The following ARAP1 variants were observed in gnomAD, a reference collection of about 807,000 sequenced individuals.
ARAP1 encodes ArfGAP with RhoGAP domain, ankyrin repeat and PH domain 1, also known as arf-GAP with Rho-GAP domain, ANK repeat and PH domain-containing protein 1.
Under a neutral mutation model 172.2 loss-of-function variants are expected in ARAP1, and 76 were observed. The ratio of observed to expected loss-of-function variants is 0.44; its 90% CI spans 0.37 to 0.53. The LOEUF is 0.53. Ranked by LOEUF, ARAP1 falls within the 20% of genes least tolerant of loss-of-function variation. The pLI is 0.00. For synonymous variants in ARAP1, 804 were observed against 803.3 expected (o/e 1.00, Z -0.01); for missense variants, 1,686 against 1,977.5 (o/e 0.85, Z 2.80).
intron 15 of ARAP1, among the ~76,000 whole-genome samples, chr11:72,702,520 C>T (rs1856535112): frequency 6.6e-6 from 1 of 152,174 alleles, no homozygotes; most frequent in Admixed American, 6.5e-5. Flanking sequence ...GGTGACCCAC[C>T]CATGGAGAAA....
chr11:72,703,980 G>C (rs1359902621), intron 14 of ARAP1, 172 bp downstream of exon 14: 1 of 866,954 alleles, frequency 1.2e-6, no homozygotes, highest in African/African-American at 1.7e-5. Context: ...TGCATGGCCA[G>C]AACTTTTCAC....
At chr11:72,711,750 C>CAG (rs1369950822) in intron 7 of ARAP1, among the ~76,000 whole-genome samples, 1 of 136,966 alleles carries the variant, frequency 7.3e-6, no homozygotes, top group Non-Finnish European at 1.5e-5. Context: ...GGCTGGAAGG[C>CAG]AGTAGTACAG....
chr11:72,713,871 C>A (rs929196199), intron 4 of ARAP1, among the ~76,000 whole-genome samples: 6 of 150,524 alleles, frequency 4.0e-5, no homozygotes, highest in African/African-American at 1.2e-4. Context: ...AAAAGAAAAG[C>A]AAACCACCCA....
At chr11:72,716,188 AAAAAAAAG>A (rs1343642991) in intron 3 of ARAP1, among the ~76,000 whole-genome samples, 1 of 145,810 alleles carries the variant, frequency 6.9e-6, no homozygotes, top group Non-Finnish European at 1.5e-5. Context: ...AAAAAAAAAA[AAAAAAAAG>A]ATCTTCATAC....
chr11:72,713,193 T>C lies in ARAP1; in HGVS notation c.730A>G (p.Arg244Gly). The change falls in exon 5 of 35, where the codon AGA (arginine) becomes GGA (glycine). Residue 244 changes from arginine to glycine, a missense_variant. Transcript: ENST00000393609. ...GGCCCCACCTTCTTGGTCATCACTC[T>C]GGCTGGGGCCCCCGGCCCCTCCTCT... ...VPEEGPGAPA[R>G]VMTKKEEPPP... is the part of the protein sequence containing the mutation. 6.2e-7 allele frequency: 1 copy of C among 1,613,782 alleles called. No individual in the cohort carries two copies. Among genetic ancestry groups the C allele is most frequent in the Non-Finnish European group, 8.5e-7 (1 of 1,179,848 alleles).
In ARAP1 at chr11:72,704,205, C is replaced by T; in HGVS notation, c.1939G>A (p.Gly647Ser). ...AGCGGGTGGTAGCGGCGGTACTTGC[C>T]CTCACGGTACTTGGCCTCCAGGTGG... Reference protein sequence around the residue: ...RCHLEAKYREGKYRRYHPLFG... With the variant: ...RCHLEAKYRESKYRRYHPLFG... The change falls in exon 14 of 35, where the codon GGC becomes AGC. Residue 647 changes from glycine to serine, a missense_variant. Physicochemically the swap from Gly to Ser is moderately conservative, Grantham distance 56. Transcript: ENST00000393609. The T allele has an allele frequency of 6.2e-7, 1 of 1,614,008 alleles. No homozygotes were observed. Among genetic ancestry groups the T allele is most frequent in the Non-Finnish European group, 8.5e-7 (1 of 1,179,992 alleles).
At chr11:72,704,379 G>A (rs1445022053) in intron 13 of ARAP1, 45 bp from the exon 14 acceptor site, 1 of 1,493,726 alleles carries the variant, frequency 6.7e-7, no homozygotes, top group South Asian at 1.4e-5. Flanking sequence ...TGACAGCCAG[G>A]GGCCGTGCCG....
In ARAP1 at chr11:72,714,270, G is replaced by C. The variant is rs1857175785; in HGVS notation, c.561C>G (p.Pro187=). 6.5e-7 allele frequency: 1 copy of C among 1,543,244 alleles called. No homozygotes were observed. Among genetic ancestry groups the C allele is most frequent in the Non-Finnish European group, 8.7e-7 (1 of 1,144,678 alleles). The part of the protein sequence containing the change: ...ESLLPSLSSP[P]QPQSEEPLST... ...ACAGGGGCTCCTCAGACTGTGGCTG[G>C]GGAGGGGATGATAATGATGGCAGCA... is the stretch of plus-strand genomic sequence containing the variant. The change falls in exon 4 of 35, where the codon CCC becomes CCG. Residue 187 remains proline (P), a synonymous_variant. Coordinates refer to ENST00000393609, the MANE Select transcript of ARAP1 (RefSeq NM_001040118.3).
At chr11:72,712,869 G>C (rs1277191738) in intron 5 of ARAP1, 13 of 599,646 alleles carry the variant, frequency 2.2e-5, no homozygotes, top group Non-Finnish European at 3.6e-5. Flanking sequence ...AACACAAGAA[G>C]TGAAACAGAG....
chr11:72,685,898 T>C (rs1158738207), intron 34 of ARAP1, 144 bp downstream of exon 34: 1 of 1,492,406 alleles, frequency 6.7e-7, no homozygotes, highest in East Asian at 2.3e-5. Flanking sequence ...CAAAGAGGCC[T>C]ATGAGGGCCC....
intron 16 of ARAP1, among the ~76,000 whole-genome samples, chr11:72,700,803 A>AGACCAACCT (rs2135515227): frequency 6.6e-6 from 1 of 152,360 alleles, no homozygotes; most frequent in Admixed American, 6.5e-5. Flanking sequence ...CGGGAGTTTG[A>AGACCAACCT]GACCAACCTG....
At chr11:72,694,556 A>G (rs540708852) in intron 27 of ARAP1, among the ~76,000 whole-genome samples, 1 of 152,190 alleles carries the variant, frequency 6.6e-6, no homozygotes, top group East Asian at 1.9e-4. Context: ...CTGTAGTTGA[A>G]CATTTATTGG....
At position 72,712,292 on chromosome 11, in the gene ARAP1, A is replaced by G; in HGVS notation, c.926T>C (p.Ile309Thr). ...SSLSLSLPST[I>T]AAPHPMDGPP... ...CCCGTCCATGGGGTGTGGCGCAGCT[A>G]TTGTGCTGGGCAAGGACAAGCTCAG... Residue 309 changes from isoleucine to threonine, a missense_variant, in exon 7 of 35, where the codon ATA becomes ACA. Physicochemically the swap from Ile to Thr is moderately conservative, Grantham distance 89. Transcript: ENST00000393609. 6.3e-7 allele frequency: 1 copy of G among 1,588,782 alleles called. No homozygotes were observed. The highest frequency in any genetic ancestry group is 8.6e-7 in the Non-Finnish European group (1 of 1,165,840).
At chr11:72,709,045 C>CAAA (rs34249967) in intron 11 of ARAP1, among the ~76,000 whole-genome samples, 2 of 50,300 alleles carry the variant, frequency 4.0e-5, no homozygotes, top group African/African-American at 6.6e-5. Flanking sequence ...TCTCAAAAAG[C>CAAA]AAAAAAAAAA....
chr11:72,707,097 T>C, intron 12 of ARAP1, 78 bp downstream of exon 12: 1 of 1,412,314 alleles, frequency 7.1e-7, no homozygotes, highest in Non-Finnish European at 9.5e-7. Flanking sequence ...CAGGCCCTCC[T>C]CCAGATAGGA....
intron 15 of ARAP1, 56 bp downstream of exon 15, chr11:72,702,849 C>A: frequency 6.5e-7 from 1 of 1,532,066 alleles, no homozygotes; most frequent in South Asian, 1.2e-5. Context: ...GCAGGTAAAT[C>A]AAACCCCACC....
chr11:72,709,790 G>C (rs1856927277), intron 11 of ARAP1, 80 bp downstream of exon 11: 1 of 1,470,852 alleles, frequency 6.8e-7, no homozygotes, highest in East Asian at 2.3e-5. Context: ...CCATAGGAAG[G>C]GGCAGCTTCC....
In ARAP1 at chr11:72,685,421, G is replaced by C. The variant is rs1390110476; in HGVS notation, c.*243C>G. ...GACAGTGAACCCGGTGGGGTGAGCAGGTTGGGCCAAGAGGTCTGAACACCT... is the reference window on the plus strand; with the variant it reads ...GACAGTGAACCCGGTGGGGTGAGCACGTTGGGCCAAGAGGTCTGAACACCT... On this transcript the variant is annotated 3_prime_UTR_variant, in exon 35 of 35. Coordinates refer to ENST00000393609, the MANE Select transcript of ARAP1 (RefSeq NM_001040118.3). 1.7e-6 allele frequency: 1 copy of C among 583,648 alleles called. No homozygotes were observed. The highest frequency in any genetic ancestry group is 1.9e-5 in the African/African-American group (1 of 53,412). The allele number at this position is 583,648 out of a possible 1,614,324, so 36.2% of individuals were successfully genotyped here.
rs7934827 is a variant in ARAP1 at position 72,710,780 on chromosome 11, C to T, written c.1214-193G>A. ...ATGCCACTGATGCTGGGCAAGTGAC[C>T]TCACCCCTCCAAGCCTGCTCCCGCT... On this transcript the variant is annotated intron_variant, in intron 9 of 34. Transcript: ENST00000393609. The surrounding 1 kb of genome is among the most constrained non-coding windows in gnomAD (Gnocchi z 4.3). 0.04 allele frequency among the ~76,000 whole-genome samples: 6,047 copies of T among 152,320 alleles called. 385 individuals are homozygous for T. Among genetic ancestry groups the T allele is most frequent in the African/African-American group, 0.14 (5,756 of 41,544 alleles).
Sources: allele counts gnomAD v4.1 joint callset (sites outside exome capture counted in the v4.1 genomes callset), GRCh38; gene constraint gnomAD v4.1.1; non-coding constraint Gnocchi (gnomAD v3.1); transcripts MANE v1.5; gene names NCBI Gene and HGNC (gene_info 2026-07-23, HGNC 2026-07-21).